Variants in LDHAL6A observed in about 807,000 individuals in gnomAD.
The protein encoded by LDHAL6A is lactate dehydrogenase A like 6A, also known as L-lactate dehydrogenase A-like 6A.
LDHAL6A carries 19 observed loss-of-function variants against 28.2 expected under a neutral mutation model. The ratio of observed to expected loss-of-function variants is 0.67; its 90% CI spans 0.47 to 0.99. The LOEUF (loss-of-function observed/expected upper bound fraction) is 0.99, where lower values mean the gene tolerates loss of function less well. Among genes scored for constraint, LDHAL6A ranks in the 50% least tolerant of loss-of-function variants. LDHAL6A has a pLI of 0.00. For synonymous variants in LDHAL6A, 144 were observed against 134.4 expected, an observed-to-expected ratio of 1.07 and a Z score of -0.49; for missense variants, 372 against 398.6, an observed-to-expected ratio of 0.93 and a Z score of 0.57.
At chr11:18,478,559 C>CA (rs891155836) in intron 6 of LDHAL6A, 147 bp from the exon 7 acceptor site, 8,053 of 507,026 alleles carry the variant, frequency 0.016, no homozygotes, top group East Asian at 0.019. Context: ...GAGTCCGTCT[C>CA]AAAAAAAAAA....
intron 3 of LDHAL6A, among the ~76,000 whole-genome samples, chr11:18,470,149 T>G (rs1381097270): frequency 1.3e-5 from 2 of 152,258 alleles, no homozygotes; most frequent in Non-Finnish European, 2.9e-5. Context: ...GGTCTTGAAC[T>G]CCTGGCATCA....
At chr11:18,467,938 C>CATATATATATATATATATATATATAT (rs1647644458) in intron 3 of LDHAL6A, among the ~76,000 whole-genome samples, 1 of 33,024 alleles carries the variant, frequency 3.0e-5, no homozygotes, top group African/African-American at 1.3e-4. Flanking sequence ...TATATATATA[C>CATATATATATATATATATATATATAT]ACACACATAT....
rs994597817 is a variant in LDHAL6A at position 18,464,874 on chromosome 11, C to T, written c.245-763C>T. 2.0e-5 allele frequency among the ~76,000 whole-genome samples: 3 copies of T among 152,190 alleles called. No homozygotes were observed. The South Asian group carries it at 6.2e-4, about 32-fold the overall frequency. On this transcript the variant is annotated intron_variant, in intron 2 of 6. Transcript: ENST00000280706. ...ACAATTTGCTATTCAAAGGTCTGTT[C>T]ACACCACATCTATCTCTAAATATTC...
chr11:18,473,191 T>C (rs1248439498), intron 3 of LDHAL6A, among the ~76,000 whole-genome samples: 3 of 152,228 alleles, frequency 2.0e-5, no homozygotes, highest in Non-Finnish European at 4.4e-5. Flanking sequence ...TTATACCATT[T>C]TTACCCAGGC....
Position 18,464,977 on chromosome 11 carries a change from G to GTTTGTTTTTTT in LDHAL6A, c.245-657_245-656insGTTTTTTTTTT, listed in dbSNP as rs1849013732. Among the ~76,000 whole-genome samples the GTTTGTTTTTTT allele has an allele frequency of 3.1e-4, 39 of 125,552 alleles. 1 individual carries two copies. The highest frequency in any genetic ancestry group is 1.2e-3 in the African/African-American group (36 of 29,794). 82.4% of individuals were successfully genotyped at this position (125,552 alleles called of 152,430 possible). A position where few individuals can be genotyped will look rare whatever the true frequency, so the allele number is the denominator to read the frequency against. On this transcript the variant is annotated intron_variant, in intron 2 of 6. Coordinates refer to ENST00000280706, the MANE Select transcript of LDHAL6A (RefSeq NM_144972.5). ...TTTTAGGAGGTGAGGTGTTTTTTTT[G>GTTTGTTTTTTT]TTTTTTTTTGTTTTGTTTTGTTTTG...
At position 18,465,802 on chromosome 11, in the gene LDHAL6A, CT is replaced by C; in HGVS notation, c.411del (p.Asn138IlefsTer6). 1.9e-6 allele frequency: 3 copies of C among 1,611,112 alleles called. No homozygotes were observed. The highest frequency in any genetic ancestry group is 2.5e-6 in the Non-Finnish European group (3 of 1,178,514). ...CCTCACTGCAAACTGCTTATTGTTACTAATCCAGGTCAGCTTTGTTGTTTTA... is the reference window on the plus strand; with the variant it reads ...CCTCACTGCAAACTGCTTATTGTTACAATCCAGGTCAGCTTTGTTGTTTTA... ...YSPHCKLLIVTNPVDILTYVA... is the reference protein window; with the variant it reads ...YSPHCKLLIVXNPVDILTYVA... On this transcript the variant is annotated frameshift_variant, in exon 3 of 7. Coordinates refer to ENST00000280706, the MANE Select transcript of LDHAL6A (RefSeq NM_144972.5). LOFTEE classifies it high-confidence loss of function.
intron 3 of LDHAL6A, among the ~76,000 whole-genome samples, chr11:18,474,257 T>G (rs1337412486): frequency 6.6e-6 from 1 of 151,592 alleles, no homozygotes; most frequent in African/African-American, 2.4e-5. Flanking sequence ...TTTTTTATTT[T>G]TAGTAGAGAT....
At chr11:18,474,287 C>T (rs1849315869) in intron 3 of LDHAL6A, among the ~76,000 whole-genome samples, 1 of 151,740 alleles carries the variant, frequency 6.6e-6, no homozygotes, top group Admixed American at 6.6e-5. Context: ...CCATGTTGAC[C>T]AGGCTGGTCT....
chr11:18,479,296 T>C lies in LDHAL6A; in HGVS notation c.*426T>C, dbSNP rs1046264198. Reference sequence around the variant, plus strand: ...GCCTGGCCTTAGCTTTGATTTAGTATCCAGATGATAGATGACACTTTTTTT... The same window carrying C: ...GCCTGGCCTTAGCTTTGATTTAGTACCCAGATGATAGATGACACTTTTTTT... On this transcript the variant is annotated 3_prime_UTR_variant, in exon 7 of 7. Transcript: ENST00000280706. 3 of 151,820 alleles carry C rather than the reference T, an allele frequency of 2.0e-5. No homozygotes were observed. Among genetic ancestry groups the C allele is most frequent in the African/African-American group, 7.3e-5 (3 of 41,090 alleles). 9.4% of individuals were successfully genotyped at this position (151,820 alleles called of 1,614,324 possible).
rs1848756182 is a variant in LDHAL6A at position 18,456,417 on chromosome 11, CTCTT to C, written c.-263_-260del. 2.6e-6 allele frequency: 1 copy of C among 388,458 alleles called. No individual in the cohort carries two copies. Among genetic ancestry groups the C allele is most frequent in the Admixed American group, 4.8e-5 (1 of 20,828 alleles). The allele number at this position is 388,458 out of a possible 1,614,324, so 24.1% of individuals were successfully genotyped here. A position where few individuals can be genotyped will look rare whatever the true frequency, so the allele number is the denominator to read the frequency against. On this transcript the variant is annotated 5_prime_UTR_variant, in exon 1 of 7. An upstream open reading frame in the 5' UTR loses its in-frame stop. Transcript: ENST00000280706. ...ACCCCTGTTCCTTTCCTCTCTCTCT[CTCTT>C]AATTCCTCTTAACTGTACTCACGCT...
intron 1 of LDHAL6A, among the ~76,000 whole-genome samples, chr11:18,461,175 C>T (rs1287025340): frequency 5.4e-5 from 8 of 148,406 alleles, no homozygotes; most frequent in African/African-American, 1.7e-4. Context: ...GACAGAATCT[C>T]GCTCTGTTGC....
chr11:18,475,770 A>G (rs1849361716), intron 4 of LDHAL6A, 131 bp downstream of exon 4: 1 of 615,612 alleles, frequency 1.6e-6, no homozygotes, highest in Non-Finnish European at 2.5e-6. Context: ...GTAGCGTTTA[A>G]TTTTTACCAC....
chr11:18,462,481 C>CA (rs1353876957), intron 1 of LDHAL6A, among the ~76,000 whole-genome samples: 25 of 151,340 alleles, frequency 1.7e-4, no homozygotes, highest in African/African-American at 6.1e-4. Context: ...ACTAAAAATA[C>CA]AAAAAATTAG....
chr11:18,470,618 T>C (rs11024669), intron 3 of LDHAL6A, among the ~76,000 whole-genome samples: 17,243 of 152,212 alleles, frequency 0.11, 1,250 homozygotes, highest in South Asian at 0.25. Flanking sequence ...ATAGTTATGA[T>C]GATTGTGGTG....
intron 3 of LDHAL6A, among the ~76,000 whole-genome samples, chr11:18,468,016 T>TATATATATACGTATATATATAC (rs1849154337): frequency 1.5e-5 from 1 of 65,868 alleles, no homozygotes; most frequent in Non-Finnish European, 2.7e-5. Flanking sequence ...TATATATACA[T>TATATATATACGTATATATATAC]ATATATACGT....
chr11:18,479,072 C>A lies in LDHAL6A; in HGVS notation c.*202C>A. The A allele has an allele frequency of 2.3e-6, 1 of 443,490 alleles. No individual in the cohort carries two copies. The highest frequency in any genetic ancestry group is 4.0e-6 in the Non-Finnish European group (1 of 249,498). 27.5% of individuals were successfully genotyped at this position (443,490 alleles called of 1,614,324 possible). A position where few individuals can be genotyped will look rare whatever the true frequency, so the allele number is the denominator to read the frequency against. On this transcript the variant is annotated 3_prime_UTR_variant, in exon 7 of 7. Transcript: ENST00000280706. ...TCACCCAGGCTGGAGTGCAGTGGCA[C>A]AATCATGGCTCACTGCAACCTTGAC...
At chr11:18,465,848 C>CG in intron 3 of LDHAL6A, 38 bp downstream of exon 3, 1 of 1,517,122 alleles carries the variant, frequency 6.6e-7, no homozygotes, top group Non-Finnish European at 9.1e-7. Flanking sequence ...CTTTTAGATT[C>CG]GGGGGTACAC....
At chr11:18,477,933 G>T (rs910983269) in intron 6 of LDHAL6A, among the ~76,000 whole-genome samples, 190 bp downstream of exon 6, 14 of 152,158 alleles carry the variant, frequency 9.2e-5, no homozygotes, top group Admixed American at 8.5e-4. Context: ...TCCTGGTCTA[G>T]TGTGACATTT....
chr11:18,455,914 TCACACCTGCCAAGC>T lies in LDHAL6A; in HGVS notation c.-766_-753del, dbSNP rs1848740206. The T allele has an allele frequency of 6.6e-6, 1 of 151,936 alleles. No homozygotes were observed. Among genetic ancestry groups the T allele is most frequent in the South Asian group, 2.1e-4 (1 of 4,822 alleles). 9.4% of individuals were successfully genotyped at this position (151,936 alleles called of 1,614,324 possible). A position where few individuals can be genotyped will look rare whatever the true frequency, so the allele number is the denominator to read the frequency against. ...TGCCAAGCATCACACCTGCCAAGCA[TCACACCTGCCAAGC>T]ATCACACCTGCGATGCCTGCACGAG... On this transcript the variant is annotated 5_prime_UTR_variant, in exon 1 of 7. Transcript: ENST00000280706.
Sources: allele counts gnomAD v4.1 joint callset (sites outside exome capture counted in the v4.1 genomes callset), GRCh38; gene constraint gnomAD v4.1.1; transcripts MANE v1.5; gene names NCBI Gene and HGNC (gene_info 2026-07-23, HGNC 2026-07-21).